The following PRRC2B variants were observed in gnomAD, a reference collection of about 807,000 sequenced individuals.
The protein encoded by PRRC2B is protein PRRC2B.
PRRC2B carries 68 observed loss-of-function variants against 242.3 expected under a neutral mutation model. That is an observed-to-expected ratio of 0.28 (90% CI 0.23 to 0.34). The LOEUF (loss-of-function observed/expected upper bound fraction) is 0.34. Ranked by LOEUF, PRRC2B falls within the 10% of genes least tolerant of loss-of-function variation. PRRC2B has a pLI of 1.00. For missense variants in PRRC2B, 2,835 were observed against 2,954.8 expected, an observed-to-expected ratio of 0.96 and a Z score of 0.94; for synonymous variants, 1,228 against 1,173.6, an observed-to-expected ratio of 1.05 and a Z score of -0.95.
At chr9:131,409,797 G>A (rs932618974) in intron 1 of PRRC2B, among the ~76,000 whole-genome samples, 1 of 152,186 alleles carries the variant, frequency 6.6e-6, no homozygotes, top group African/African-American at 2.4e-5. Context: ...TGTGTCAGTG[G>A]CCCTCAGAAA....
chr9:131,377,092 A>G (rs1261444860), intron 1 of PRRC2B, among the ~76,000 whole-genome samples: 2 of 151,898 alleles, frequency 1.3e-5, no homozygotes, highest in Non-Finnish European at 2.9e-5. Flanking sequence ...ACTAATACAT[A>G]ACCTTTTCAA....
chr9:131,406,419 G>A (rs1837362729), intron 1 of PRRC2B, among the ~76,000 whole-genome samples: 1 of 152,160 alleles, frequency 6.6e-6, no homozygotes, highest in Non-Finnish European at 1.5e-5. Context: ...TCAGGTAAAT[G>A]TCTTGGAAGG....
chr9:131,475,386 G>A lies in PRRC2B; in HGVS notation c.3257G>A (p.Ser1086Asn), dbSNP rs756424225. 6.3e-7 allele frequency: 1 copy of A among 1,586,820 alleles called. No homozygotes were observed. Among genetic ancestry groups the A allele is most frequent in the South Asian group, 1.1e-5 (1 of 87,534 alleles). Residue 1086 changes from serine (S) to asparagine (N), a missense_variant, in exon 16 of 32, where the codon AGC (serine) becomes AAC (asparagine). Coordinates refer to ENST00000683519, the MANE Select transcript of PRRC2B (RefSeq NM_013318.4). Reference protein sequence around the residue: ...FRGRPAGGNGSGLCGGGVLGA... With the variant: ...FRGRPAGGNGNGLCGGGVLGA... Reference sequence around the variant, plus strand: ...GGTCGGCCTGCTGGCGGAAATGGGAGCGGCCTCTGTGGTGGGGGGGTCCTG... The same window carrying A: ...GGTCGGCCTGCTGGCGGAAATGGGAACGGCCTCTGTGGTGGGGGGGTCCTG...
intron 1 of PRRC2B, among the ~76,000 whole-genome samples, chr9:131,407,113 C>A (rs1837385165): frequency 6.6e-6 from 1 of 152,132 alleles, no homozygotes; most frequent in African/African-American, 2.4e-5. Context: ...TCTTTGCACA[C>A]CCTGGATGAA....
intron 1 of PRRC2B, among the ~76,000 whole-genome samples, chr9:131,410,462 G>A (rs1837478062): frequency 6.6e-6 from 1 of 152,218 alleles, no homozygotes; most frequent in Non-Finnish European, 1.5e-5. Context: ...ATTCTCTGGG[G>A]CCCACCGCAT....
At position 131,436,688 on chromosome 9, in the gene PRRC2B, A is replaced by G. The variant is rs1256688949; in HGVS notation, c.362A>G (p.Asn121Ser). 3.1e-6 allele frequency: 5 copies of G among 1,613,866 alleles called. No individual in the cohort carries two copies. The highest frequency in any genetic ancestry group is 3.3e-5 in the Admixed American group (2 of 60,002). Residue 121 changes from asparagine to serine, a missense_variant, in exon 4 of 32, where the codon AAT (asparagine) becomes AGT (serine). This residue lies in a region of PRRC2B where 626 missense variants were observed against 685.5 expected (regional missense o/e 0.91). Coordinates refer to ENST00000683519, the MANE Select transcript of PRRC2B (RefSeq NM_013318.4). Reference sequence around the variant, plus strand: ...CCGGGTTTGCAGAAATCTGTCTCCAATTTGCAGAAACCGACACAGTCAATC... The same window carrying G: ...CCGGGTTTGCAGAAATCTGTCTCCAGTTTGCAGAAACCGACACAGTCAATC... The part of the protein sequence containing the change: ...PQPGLQKSVS[N>S]LQKPTQSISQ...
intron 7 of PRRC2B, 33 bp from the exon 8 acceptor site, chr9:131,447,052 C>T (rs571842218): frequency 3.7e-6 from 6 of 1,612,802 alleles, no homozygotes; most frequent in Non-Finnish European, 4.2e-6. Flanking sequence ...CAGCCATTAC[C>T]AGCAAATCCT....
At position 131,470,818 on chromosome 9, in the gene PRRC2B, C is replaced by G; in HGVS notation, c.1942C>G (p.Pro648Ala). The change falls in exon 14 of 32, where the codon CCG (proline) becomes GCG (alanine). Residue 648 changes from proline (P) to alanine (A), a missense_variant. Physicochemically the swap from Pro to Ala is conservative, Grantham distance 27. Transcript: ENST00000683519. ...EQLYKMQHWQ[P>A]VYPPPSHPQR... ...GCTGTACAAGATGCAGCACTGGCAG[C>G]CGGTGTACCCCCCGCCGTCCCACCC... 6.2e-7 allele frequency: 1 copy of G among 1,612,562 alleles called. No homozygotes were observed. The highest frequency in any genetic ancestry group is 8.5e-7 in the Non-Finnish European group (1 of 1,179,132).
In PRRC2B at chr9:131,481,641, T is replaced by G. The variant is rs575463325; in HGVS notation, c.4901-85T>G. 9 of 1,096,848 alleles carry G rather than the reference T, an allele frequency of 8.2e-6. No homozygotes were observed. The African/African-American group carries it at 1.1e-4, about 13-fold the overall frequency. 67.9% of individuals were successfully genotyped at this position (1,096,848 alleles called of 1,614,324 possible). On this transcript the variant is annotated intron_variant, in intron 19 of 31. Transcript: ENST00000683519. ...AGGGGAGTTGGATTTCTGCAAGCTG[T>G]GCCTGTGCTTGTTCTTTAAGAGCTC...
At position 131,376,014 on chromosome 9, in the gene PRRC2B, ACT is replaced by A. The variant is rs376920147; in HGVS notation, c.-56+2286_-56+2287del. ...CGGTGAGCTGAGATCTCGCCACTGCACTCTAGCCTGAGCAACAGAGTGAGACT... is the reference window on the plus strand; with the variant it reads ...CGGTGAGCTGAGATCTCGCCACTGCACTAGCCTGAGCAACAGAGTGAGACT... On this transcript the variant is annotated intron_variant, in intron 1 of 1. Transcript: ENST00000682525. 9.0e-4 allele frequency among the ~76,000 whole-genome samples: 122 copies of A among 134,960 alleles called. 1 individual carries two copies. Among genetic ancestry groups the A allele is most frequent in the African/African-American group, 3.3e-3 (114 of 34,644 alleles). The allele number at this position is 134,960 out of a possible 152,430, so 88.5% of individuals were successfully genotyped here.
At position 131,459,145 on chromosome 9, in the gene PRRC2B, C is replaced by T. The variant is rs1274557095; in HGVS notation, c.1212-19C>T. 2 of 1,606,878 alleles carry T rather than the reference C, an allele frequency of 1.2e-6. No individual in the cohort carries two copies. Among genetic ancestry groups the T allele is most frequent in the Non-Finnish European group, 1.7e-6 (2 of 1,174,462 alleles). On this transcript the variant is annotated intron_variant, in intron 10 of 31. Transcript: ENST00000683519. ...TGGCCTGAGTGCAAAAACTTAACAT[C>T]AAATGTGGTTTGTCCTAGGAACAGT...
Position 131,487,277 on chromosome 9 carries a change from C to G in PRRC2B, c.5967C>G (p.Ser1989Arg), listed in dbSNP as rs767335280. 6 of 1,610,370 alleles carry G rather than the reference C, an allele frequency of 3.7e-6. No individual in the cohort carries two copies. The Admixed American group carries it at 1.0e-4, about 27-fold the overall frequency. The stretch of plus-strand genomic sequence containing the variant: ...TGTCCCAGTCCCAGGAGATCTTCAG[C>G]TCCTTGCAGCCCTTCAGGTGAGCTC... ...LPVSQSQEIF[S>R]SLQPFRSQVY... is the part of the protein sequence containing the mutation. The change falls in exon 27 of 32, where the codon AGC becomes AGG. Residue 1989 changes from serine (S) to arginine (R), a missense_variant. Around this residue, in one of 7 missense-constraint regions of PRRC2B, gnomAD observed 574 missense variants for 626.0 expected, o/e 0.92. Transcript: ENST00000683519. The surrounding 1 kb of genome is among the most constrained non-coding windows in gnomAD (Gnocchi z 5.3).
At chr9:131,459,013 A>G in intron 10 of PRRC2B, 151 bp from the exon 11 acceptor site, 1 of 649,172 alleles carries the variant, frequency 1.5e-6, no homozygotes, top group Non-Finnish European at 2.7e-6. Flanking sequence ...GAACCGTGGA[A>G]TTCACATGGA....
chr9:131,458,996 T>C (rs1186690952), intron 10 of PRRC2B, among the ~76,000 whole-genome samples, 168 bp from the exon 11 acceptor site: 1 of 152,142 alleles, frequency 6.6e-6, no homozygotes, highest in African/African-American at 2.4e-5. Flanking sequence ...TGATAAATGG[T>C]GGGGCTGAAC....
chr9:131,436,597 C>A, intron 3 of PRRC2B, 23 bp from the exon 4 acceptor site: 1 of 1,600,426 alleles, frequency 6.2e-7, no homozygotes. Flanking sequence ...GGTGCCTGAC[C>A]CCACTGCCCT....
chr9:131,377,358 G>T (rs560838443), intron 1 of PRRC2B, among the ~76,000 whole-genome samples: 1 of 152,058 alleles, frequency 6.6e-6, no homozygotes, highest in Non-Finnish European at 1.5e-5. Flanking sequence ...CGTGATCCGC[G>T]CGCCTCAGCC....
rs1348473586 is a variant in PRRC2B, at chr9:131,447,875, C to G, written c.1120+71C>G. The stretch of plus-strand genomic sequence containing the variant: ...CATATGTACTTACCAGGGATGGAAA[C>G]CCCCTGGCACCACCGTGTGTTTTCC... On this transcript the variant is annotated intron_variant, in intron 9 of 31. Transcript: ENST00000683519. 3 of 1,459,566 alleles carry G rather than the reference C, an allele frequency of 2.1e-6. No homozygotes were observed. In the Admixed American group the frequency reaches 6.2e-5, roughly 30 times the overall value. The allele number at this position is 1,459,566 out of a possible 1,614,324, so 90.4% of individuals were successfully genotyped here. A position where few individuals can be genotyped will look rare whatever the true frequency, so the allele number is the denominator to read the frequency against.
chr9:131,416,773 C>G (rs1185452246), intron 1 of PRRC2B, among the ~76,000 whole-genome samples: 1 of 152,000 alleles, frequency 6.6e-6, no homozygotes, highest in Non-Finnish European at 1.5e-5. Flanking sequence ...TGGGATTTGT[C>G]GGATGCTTTC....
Position 131,446,251 on chromosome 9 carries a change from A to T in PRRC2B, c.614-150A>T. ...CAGGGGTCTGCCCCAACCTTCCCTG[A>T]CAGATTTAACAGTTCTTCACTTTTG... is the stretch of plus-strand genomic sequence containing the variant. On this transcript the variant is annotated intron_variant, in intron 6 of 31. Coordinates refer to ENST00000683519, the MANE Select transcript of PRRC2B (RefSeq NM_013318.4). This position sits in a 1 kb window ranked among gnomAD's most constrained non-coding sequence, Gnocchi z 4.1. 1.0e-6 allele frequency: 1 copy of T among 976,078 alleles called. No homozygotes were observed. Among genetic ancestry groups the T allele is most frequent in the Non-Finnish European group, 1.5e-6 (1 of 678,580 alleles). The allele number at this position is 976,078 out of a possible 1,614,324, so 60.5% of individuals were successfully genotyped here. A position where few individuals can be genotyped will look rare whatever the true frequency, so the allele number is the denominator to read the frequency against.
Sources: allele counts gnomAD v4.1 joint callset (sites outside exome capture counted in the v4.1 genomes callset), GRCh38; gene constraint gnomAD v4.1.1; regional missense constraint gnomAD v4.1.1; non-coding constraint Gnocchi (gnomAD v3.1); transcripts MANE v1.5; gene names NCBI Gene and HGNC (gene_info 2026-07-23, HGNC 2026-07-21).